Variants in SLC7A14 observed in about 807,000 individuals in gnomAD.
SLC7A14 encodes the protein gamma-aminobutyric acid transporter SLC7A14.
In SLC7A14, 37 loss-of-function variants were observed where a neutral mutation model predicts 60.2. The ratio of observed to expected loss-of-function variants is 0.61; its 90% CI spans 0.47 to 0.81. The LOEUF (loss-of-function observed/expected upper bound fraction) is 0.81, where lower values mean the gene tolerates loss of function less well. SLC7A14 is among the 30% of genes least tolerant of loss of function. The probability of loss-of-function intolerance (pLI) is 0.00; values close to 1 mark genes in which losing one functional copy is unlikely to be tolerated. For missense variants in SLC7A14, 886 were observed against 982.7 expected (o/e 0.90, Z 1.32); for synonymous variants, 399 against 395.8 (o/e 1.01, Z -0.10).
At chr3:170,582,017 A>C (rs1715249253) in intron 1 of SLC7A14, among the ~76,000 whole-genome samples, 1 of 152,216 alleles carries the variant, frequency 6.6e-6, no homozygotes, top group Admixed American at 6.5e-5. Context: ...GTCAAAATTC[A>C]TGAAACCAGC....
intron 1 of SLC7A14, among the ~76,000 whole-genome samples, chr3:170,527,346 T>C (rs1713544923): frequency 6.6e-6 from 1 of 152,210 alleles, no homozygotes; most frequent in Non-Finnish European, 1.5e-5. Flanking sequence ...TGCTCTGTGG[T>C]CTTGGGTAAG....
At chr3:170,580,730 C>G (rs1715211822) in intron 1 of SLC7A14, among the ~76,000 whole-genome samples, 1 of 152,156 alleles carries the variant, frequency 6.6e-6, no homozygotes, top group Non-Finnish European at 1.5e-5. Context: ...GCTTGATTCT[C>G]AGGTGCTTTG....
At position 170,527,044 on chromosome 3, in the gene SLC7A14, A is replaced by ACTCATCT; in HGVS notation, c.-109_-108insAGATGAG. The ACTCATCT allele has an allele frequency of 7.8e-7, 1 of 1,276,694 alleles. No homozygotes were observed. Among genetic ancestry groups the ACTCATCT allele is most frequent in the Non-Finnish European group, 1.1e-6 (1 of 940,804 alleles). The allele number at this position is 1,276,694 out of a possible 1,614,324, so 79.1% of individuals were successfully genotyped here. Reference sequence around the variant, plus strand: ...GTGAACAGGGATCTCCCTTTTAGGAAAGGCCCAGAGGGACCCAGTGCAGCC... The same window carrying ACTCATCT: ...GTGAACAGGGATCTCCCTTTTAGGAACTCATCTAGGCCCAGAGGGACCCAGTGCAGCC... On this transcript the variant is annotated 5_prime_UTR_variant, in exon 2 of 8. In the 5' UTR this introduces an upstream ATG that the reference lacks. Coordinates refer to ENST00000231706, the MANE Select transcript of SLC7A14 (RefSeq NM_020949.3).
At position 170,526,890 on chromosome 3, in the gene SLC7A14, C is replaced by T; in HGVS notation, c.47G>A (p.Gly16Glu). Residue 16 changes from glycine (G) to glutamate (E), a missense_variant, in exon 2 of 8, where the codon GGA becomes GAA. Coordinates refer to ENST00000231706, the MANE Select transcript of SLC7A14 (RefSeq NM_020949.3). ...TSLDPRRVQWGAAWYAMHSRI... is the reference protein window; with the variant it reads ...TSLDPRRVQWEAAWYAMHSRI... ...GGAGTGCATTGCATACCAGGCAGCT[C>T]CCCACTGCACCCGCCGGGGGTCCAG... 6.2e-7 allele frequency: 1 copy of T among 1,613,578 alleles called. No individual in the cohort carries two copies. The highest frequency in any genetic ancestry group is 2.2e-5 in the East Asian group (1 of 44,848).
At chr3:170,520,150 C>T (rs370586551) in intron 2 of SLC7A14, among the ~76,000 whole-genome samples, 8 of 152,242 alleles carry the variant, frequency 5.3e-5, no homozygotes, top group African/African-American at 1.7e-4. Context: ...AGACTGCTTT[C>T]ACTCCATTCC....
intron 2 of SLC7A14, among the ~76,000 whole-genome samples, chr3:170,523,239 A>G (rs370041436): frequency 5.3e-5 from 8 of 152,246 alleles, no homozygotes; most frequent in East Asian, 3.8e-4. Context: ...TCTCACAGCT[A>G]GTCAGTGGCT....
intron 1 of SLC7A14, among the ~76,000 whole-genome samples, chr3:170,549,463 C>T (rs763360781): frequency 9.9e-5 from 15 of 152,156 alleles, no homozygotes; most frequent in Non-Finnish European, 1.9e-4. Context: ...TTGCACCCGC[C>T]TCGGCCTCCC....
intron 4 of SLC7A14, among the ~76,000 whole-genome samples, chr3:170,489,194 T>C (rs1011447837): frequency 6.6e-6 from 1 of 152,182 alleles, no homozygotes; most frequent in African/African-American, 2.4e-5. Flanking sequence ...GGAGAAAATA[T>C]CTGTAAACTA....
intron 4 of SLC7A14, among the ~76,000 whole-genome samples, chr3:170,493,143 C>T (rs142296539): frequency 4.6e-5 from 7 of 152,276 alleles, no homozygotes; most frequent in South Asian, 2.1e-4. Context: ...GAAGGGAACA[C>T]GCGTCCAGCA....
Position 170,486,261 on chromosome 3 carries a change from G to C in SLC7A14, c.867C>G (p.Ile289Met). The C allele has an allele frequency of 1.9e-6, 3 of 1,614,224 alleles. No homozygotes were observed. Among genetic ancestry groups the C allele is most frequent in the Non-Finnish European group, 2.5e-6 (3 of 1,180,046 alleles). The change falls in exon 5 of 8, where the codon ATC becomes ATG. Residue 289 changes from isoleucine (I) to methionine (M), a missense_variant. Transcript: ENST00000231706. ...KNPNTSIPYA[I>M]TASLVICLTA... Reference sequence around the variant, plus strand: ...TCAGGCAGATGACCAGGGAGGCAGTGATAGCATAAGGGATGGACGTGTTGG... The same window carrying C: ...TCAGGCAGATGACCAGGGAGGCAGTCATAGCATAAGGGATGGACGTGTTGG...
intron 6 of SLC7A14, 87 bp downstream of exon 6, chr3:170,483,227 A>G: frequency 6.0e-6 from 9 of 1,488,618 alleles, no homozygotes; most frequent in Non-Finnish European, 8.4e-6. Context: ...ACTGATGTCA[A>G]AATCACAGTC....
intron 1 of SLC7A14, among the ~76,000 whole-genome samples, chr3:170,563,724 C>A (rs1714724007): frequency 6.6e-6 from 1 of 152,090 alleles, no homozygotes; most frequent in Admixed American, 6.6e-5. Context: ...CCCGGCCCAA[C>A]AAACACTGGT....
intron 1 of SLC7A14, among the ~76,000 whole-genome samples, chr3:170,547,250 A>G (rs1157920175): frequency 1.3e-5 from 2 of 152,070 alleles, no homozygotes; most frequent in Admixed American, 6.5e-5. Flanking sequence ...GTTTTCTTTT[A>G]TGAAAAGAAA....
At chr3:170,579,433 A>G (rs537811417) in intron 1 of SLC7A14, among the ~76,000 whole-genome samples, 14 of 152,244 alleles carry the variant, frequency 9.2e-5, no homozygotes, top group Non-Finnish European at 1.9e-4. Context: ...AAAACATGGA[A>G]AAATTTTTTT....
At chr3:170,537,925 C>CT (rs1321055422) in intron 1 of SLC7A14, among the ~76,000 whole-genome samples, 1 of 150,854 alleles carries the variant, frequency 6.6e-6, no homozygotes, top group Non-Finnish European at 1.5e-5. Context: ...GCCTAGTTGT[C>CT]TATATGGTCG....
chr3:170,543,524 T>C (rs958264333), intron 1 of SLC7A14, among the ~76,000 whole-genome samples: 13 of 151,626 alleles, frequency 8.6e-5, no homozygotes, highest in Admixed American at 4.6e-4. Context: ...TGGCGCATGC[T>C]TGTAATCCCA....
intron 1 of SLC7A14, among the ~76,000 whole-genome samples, chr3:170,561,619 G>C (rs1228414436): frequency 6.6e-6 from 1 of 152,166 alleles, no homozygotes; most frequent in Non-Finnish European, 1.5e-5. Context: ...TGGAAAAGTG[G>C]TAAAAACTTT....
In SLC7A14 at chr3:170,480,195, C is replaced by T. The variant is rs188304261; in HGVS notation, c.1993+94G>A. On this transcript the variant is annotated intron_variant, in intron 7 of 7. Transcript: ENST00000231706. Reference sequence around the variant, plus strand: ...AGAACCAGCCAGATTTCTCTGGGAACGGAGTTGCCTAGTCCAGCTAGGAGG... The same window carrying T: ...AGAACCAGCCAGATTTCTCTGGGAATGGAGTTGCCTAGTCCAGCTAGGAGG... 1.6e-4 allele frequency: 209 copies of T among 1,318,324 alleles called. 1 individual carries two copies. In the South Asian group the frequency reaches 2.1e-3, roughly 13 times the overall value. The allele number at this position is 1,318,324 out of a possible 1,614,324, so 81.7% of individuals were successfully genotyped here.
At chr3:170,501,057 A>C (rs1245140402) in intron 3 of SLC7A14, 52 bp downstream of exon 3, 2 of 1,574,910 alleles carry the variant, frequency 1.3e-6, no homozygotes, top group Admixed American at 3.3e-5. Context: ...GAACTCATTT[A>C]TGTGGCTTGG....
Sources: allele counts gnomAD v4.1 joint callset (sites outside exome capture counted in the v4.1 genomes callset), GRCh38; gene constraint gnomAD v4.1.1; transcripts MANE v1.5; gene names NCBI Gene and HGNC (gene_info 2026-07-23, HGNC 2026-07-21).